Variants in PIK3C2G observed in about 807,000 individuals in gnomAD.
PIK3C2G encodes the protein phosphatidylinositol-4-phosphate 3-kinase catalytic subunit type 2 gamma, also known as phosphatidylinositol 3-kinase C2 domain-containing subunit gamma.
In PIK3C2G, 168 loss-of-function variants were observed where a neutral mutation model predicts 181.1. The ratio of observed to expected loss-of-function variants is 0.93; its 90% CI spans 0.82 to 1.05. The LOEUF (loss-of-function observed/expected upper bound fraction) is 1.05, where lower values mean the gene tolerates loss of function less well. PIK3C2G is among the 50% of genes least tolerant of loss of function. The probability of loss-of-function intolerance (pLI) is 0.00; values close to 1 mark genes in which losing one functional copy is unlikely to be tolerated. For missense variants in PIK3C2G, 1,869 were observed against 1,732.8 expected (o/e 1.08, Z -1.40); for synonymous variants, 573 against 592.2 (o/e 0.97, Z 0.47).
chr12:18,277,881 T>C (rs1949049956), intron 1 of PIK3C2G, among the ~76,000 whole-genome samples: 1 of 152,128 alleles, frequency 6.6e-6, no homozygotes. Context: ...CAACAGAAAC[T>C]GACCTCTTGC....
chr12:18,382,004 C>G, intron 14 of PIK3C2G, 124 bp downstream of exon 14: 1 of 659,588 alleles, frequency 1.5e-6, no homozygotes, highest in South Asian at 1.7e-5. Flanking sequence ...CTGCCTCCAG[C>G]CTTCTGGGAT....
intron 4 of PIK3C2G, among the ~76,000 whole-genome samples, chr12:18,293,119 A>T (rs538269187): frequency 6.6e-6 from 1 of 152,270 alleles, no homozygotes; most frequent in South Asian, 2.1e-4. Context: ...TAATACTAAC[A>T]TTATATCCCA....
chr12:18,315,889 CCA>C (rs1950837744), intron 6 of PIK3C2G, among the ~76,000 whole-genome samples: 1 of 142,794 alleles, frequency 7.0e-6, no homozygotes, highest in Non-Finnish European at 1.5e-5. Context: ...CTTCATGCAT[CCA>C]CGTGTGTGTG....
At chr12:18,645,653 G>A (rs1309604090) in intron 32 of PIK3C2G, among the ~76,000 whole-genome samples, 1 of 151,952 alleles carries the variant, frequency 6.6e-6, no homozygotes, top group Admixed American at 6.6e-5. Context: ...ATAATTTACT[G>A]GTGTCTAATA....
chr12:18,503,252 G>C, intron 22 of PIK3C2G, 29 bp from the exon 23 acceptor site: 1 of 1,554,862 alleles, frequency 6.4e-7, no homozygotes, highest in Non-Finnish European at 8.7e-7. Context: ...TGAAGGAATT[G>C]TCTCTGTAAT....
chr12:18,647,648 G>C (rs78454212), intron 32 of PIK3C2G, among the ~76,000 whole-genome samples: 4,600 of 150,644 alleles, frequency 0.031, 218 homozygotes, highest in African/African-American at 0.11. Context: ...AGTGGAATCA[G>C]TAAATTCTAG....
upstream of PIK3C2G, among the ~76,000 whole-genome samples, chr12:18,246,683 T>C (rs1469173267): frequency 1.3e-5 from 2 of 152,102 alleles, no homozygotes; most frequent in South Asian, 2.1e-4. Context: ...AACTGAAAAG[T>C]ACTTTAAGAG....
At chr12:18,515,246 T>C (rs549109634) in intron 24 of PIK3C2G, among the ~76,000 whole-genome samples, 202 of 152,128 alleles carry the variant, frequency 1.3e-3, no homozygotes, top group African/African-American at 4.7e-3. Flanking sequence ...CCTCATAAGA[T>C]GAGTTTGGAA....
the PIK3C2G span, among the ~76,000 whole-genome samples, chr12:18,666,525 A>G: frequency 2.6e-5 from 4 of 152,158 alleles, no homozygotes; most frequent in South Asian, 8.3e-4. Context: ...TAAGAAGATA[A>G]AACAATTATA....
chr12:18,598,501 A>C (rs200824915), intron 30 of PIK3C2G, among the ~76,000 whole-genome samples: 1 of 151,840 alleles, frequency 6.6e-6, no homozygotes, highest in Admixed American at 6.6e-5. Context: ...AATCAATTCA[A>C]GATGGATTAA....
chr12:18,701,472 T>C, the PIK3C2G span: 1 of 1,614,024 alleles, frequency 6.2e-7, no homozygotes, highest in Admixed American at 1.7e-5. Context: ...TCCAATCACT[T>C]GTAAGATTTT....
At chr12:18,329,837 C>T (rs1488742538) in intron 8 of PIK3C2G, among the ~76,000 whole-genome samples, 1 of 152,084 alleles carries the variant, frequency 6.6e-6, no homozygotes, top group East Asian at 1.9e-4. Flanking sequence ...ACTTATAGTA[C>T]AGTCCAAATT....
At chr12:18,250,348 A>G (rs1948083631) in intron 1 of PIK3C2G, among the ~76,000 whole-genome samples, 1 of 152,042 alleles carries the variant, frequency 6.6e-6, no homozygotes, top group South Asian at 2.1e-4. Flanking sequence ...TTTGCCGTAC[A>G]TTATTGTCCT....
At chr12:18,324,388 G>T (rs60159912) in intron 7 of PIK3C2G, among the ~76,000 whole-genome samples, 20,341 of 152,102 alleles carry the variant, frequency 0.13, 1,844 homozygotes, top group Admixed American at 0.25. Context: ...AATGGTGTTT[G>T]TTTTAATGTT....
chr12:18,388,323 G>A (rs1169072830), intron 14 of PIK3C2G, among the ~76,000 whole-genome samples: 2 of 151,786 alleles, frequency 1.3e-5, no homozygotes, highest in Non-Finnish European at 2.9e-5. Flanking sequence ...CAAGCTGGAG[G>A]GCAGTGGCGT....
chr12:18,585,945 A>T (rs1470889460), intron 29 of PIK3C2G, among the ~76,000 whole-genome samples: 1 of 152,198 alleles, frequency 6.6e-6, no homozygotes, highest in African/African-American at 2.4e-5. Flanking sequence ...CTCCTGAATG[A>T]CTTTGGGGTA....
At chr12:18,326,126 G>T (rs369180177) in intron 8 of PIK3C2G, among the ~76,000 whole-genome samples, 2 of 152,284 alleles carry the variant, frequency 1.3e-5, no homozygotes, top group East Asian at 3.9e-4. Flanking sequence ...CTGGACTGCT[G>T]ACTGACTCTG....
chr12:18,660,268 G>A, the PIK3C2G span, among the ~76,000 whole-genome samples: 149 of 152,080 alleles, frequency 9.8e-4, 10 homozygotes, highest in Non-Finnish European at 1.2e-4. Flanking sequence ...GCCGAAACCA[G>A]CAGGAGCCAT....
intron 15 of PIK3C2G, 116 bp from the exon 16 acceptor site, chr12:18,399,543 A>G: frequency 2.0e-6 from 1 of 507,120 alleles, no homozygotes; most frequent in Non-Finnish European, 3.4e-6. Flanking sequence ...TGTTTTTGAA[A>G]GTAAACTAAA....
Sources: allele counts gnomAD v4.1 joint callset (sites outside exome capture counted in the v4.1 genomes callset), GRCh38; gene constraint gnomAD v4.1.1; transcripts MANE v1.5; gene names NCBI Gene and HGNC (gene_info 2026-07-23, HGNC 2026-07-21).